The following STRN variants were observed in gnomAD, a reference collection of about 807,000 sequenced individuals.
The protein encoded by STRN is protein phosphatase 2 regulatory subunit B'''alpha.
STRN carries 53 observed loss-of-function variants against 96.3 expected under a neutral mutation model. That is an observed-to-expected ratio of 0.55 (90% CI 0.44 to 0.69). STRN has a LOEUF of 0.69. Ranked by LOEUF, STRN falls within the 30% of genes least tolerant of loss-of-function variation. The pLI, the probability that STRN is intolerant of heterozygous loss-of-function variation, is 0.00. For synonymous variants in STRN, 428 were observed against 355.9 expected (o/e 1.20, Z -2.28); for missense variants, 987 against 963.9 (o/e 1.02, Z -0.32).
chr2:36,966,430 T>C lies in STRN; in HGVS notation c.34A>G (p.Ser12Gly). The change falls in exon 1 of 18, where the codon AGC becomes GGC. Residue 12 changes from serine (S) to glycine (G), a missense_variant. Coordinates refer to ENST00000263918, the MANE Select transcript of STRN (RefSeq NM_003162.4). The stretch of plus-strand genomic sequence containing the variant: ...CCGCCGGCGCCCGGGTGGTTGTTGC[T>C]GAAGAAGACGCCGGGACCCGCCTGC... ...DEQAGPGVFF[S>G]NNHPGAGGAK... 6.8e-7 allele frequency: 1 copy of C among 1,466,478 alleles called. No homozygotes were observed. Among genetic ancestry groups the C allele is most frequent in the Non-Finnish European group, 9.0e-7 (1 of 1,110,584 alleles). The allele number at this position is 1,466,478 out of a possible 1,614,324, so 90.8% of individuals were successfully genotyped here. A position where few individuals can be genotyped will look rare whatever the true frequency, so the allele number is the denominator to read the frequency against.
chr2:36,903,715 A>G (rs1329958509), intron 4 of STRN, among the ~76,000 whole-genome samples: 2 of 152,246 alleles, frequency 1.3e-5, no homozygotes, highest in South Asian at 2.1e-4. Flanking sequence ...TCTCAGAAAT[A>G]TATGTGATCA....
intron 1 of STRN, among the ~76,000 whole-genome samples, chr2:36,956,464 T>G (rs529004020): frequency 3.9e-4 from 60 of 152,288 alleles, no homozygotes; most frequent in African/African-American, 1.0e-3. Context: ...TTTGTCAGAT[T>G]GGCCACCGAG....
At chr2:36,950,211 TTG>T (rs1664719262) in intron 1 of STRN, among the ~76,000 whole-genome samples, 1 of 135,168 alleles carries the variant, frequency 7.4e-6, no homozygotes. Context: ...TGGTTTGGTT[TTG>T]TTTTTTTTTT....
chr2:36,911,370 T>C (rs1669962154), intron 3 of STRN, among the ~76,000 whole-genome samples: 1 of 152,194 alleles, frequency 6.6e-6, no homozygotes, highest in Non-Finnish European at 1.5e-5. Context: ...TTTCTTTCTT[T>C]TTTCCCTAAA....
intron 15 of STRN, among the ~76,000 whole-genome samples, chr2:36,853,192 C>T (rs1201013258): frequency 6.6e-6 from 1 of 152,028 alleles, no homozygotes; most frequent in African/African-American, 2.4e-5. Flanking sequence ...ACTCACTTGA[C>T]CATGTGGAGT....
At chr2:36,908,305 CA>C (rs1380236959) in intron 3 of STRN, among the ~76,000 whole-genome samples, 1 of 152,122 alleles carries the variant, frequency 6.6e-6, no homozygotes. Flanking sequence ...CAGCCAGTGA[CA>C]TTACAAAAAA....
chr2:36,960,674 G>A (rs551956719), intron 1 of STRN, among the ~76,000 whole-genome samples: 3 of 152,212 alleles, frequency 2.0e-5, no homozygotes, highest in African/African-American at 7.2e-5. Context: ...CGGCAAATAT[G>A]TATTTTAGGC....
At chr2:36,965,288 G>C (rs957083675) in intron 1 of STRN, among the ~76,000 whole-genome samples, 7 of 152,158 alleles carry the variant, frequency 4.6e-5, no homozygotes, top group African/African-American at 1.7e-4. Context: ...TTTTGAAATT[G>C]GTGTGTATGC....
intron 1 of STRN, among the ~76,000 whole-genome samples, chr2:36,943,032 T>C (rs1670885057): frequency 6.6e-6 from 1 of 152,146 alleles, no homozygotes; most frequent in Non-Finnish European, 1.5e-5. Flanking sequence ...TATATTGCTT[T>C]AATGTATGCT....
At chr2:36,896,251 A>C (rs1669537788) in intron 6 of STRN, among the ~76,000 whole-genome samples, 1 of 152,212 alleles carries the variant, frequency 6.6e-6, no homozygotes, top group Non-Finnish European at 1.5e-5. Flanking sequence ...TGGGGGGAAA[A>C]ACTTGTTTCT....
Position 36,949,655 on chromosome 2 carries a change from G to C in STRN, c.234+16575C>G, listed in dbSNP as rs537017416. On this transcript the variant is annotated intron_variant, in intron 1 of 17. Coordinates refer to ENST00000263918, the MANE Select transcript of STRN (RefSeq NM_003162.4). Reference sequence around the variant, plus strand: ...TGGCTAGAAGAGTGACTATAAGAAAGTGAAAGGTTGAGTGAAAGCTGAGGC... The same window carrying C: ...TGGCTAGAAGAGTGACTATAAGAAACTGAAAGGTTGAGTGAAAGCTGAGGC... Among the ~76,000 whole-genome samples the C allele has an allele frequency of 1.1e-4, 17 of 152,330 alleles. No individual in the cohort carries two copies. In the South Asian group the frequency reaches 3.5e-3, roughly 32 times the overall value.
rs1410140543 is a variant in STRN, at chr2:36,844,106, C to G, written c.*5350G>C. 6.6e-6 allele frequency: 1 copy of G among 152,018 alleles called. No homozygotes were observed. Among genetic ancestry groups the G allele is most frequent in the Admixed American group, 6.6e-5 (1 of 15,230 alleles). The allele number at this position is 152,018 out of a possible 1,614,324, so 9.4% of individuals were successfully genotyped here. ...TGAACTTGAGAAAACATAAAGTAAC[C>G]AGCAGATTTCAATATTAAAAAGAAG... On this transcript the variant is annotated 3_prime_UTR_variant, in exon 18 of 18. Transcript: ENST00000263918.
At chr2:36,938,760 G>A (rs1277520235) in intron 1 of STRN, among the ~76,000 whole-genome samples, 1 of 152,036 alleles carries the variant, frequency 6.6e-6, no homozygotes, top group African/African-American at 2.4e-5. Context: ...ACAATTTTGT[G>A]ATTTTTCATG....
intron 1 of STRN, among the ~76,000 whole-genome samples, chr2:36,963,975 C>T (rs931848405): frequency 1.3e-5 from 2 of 151,040 alleles, no homozygotes; most frequent in South Asian, 2.1e-4. Flanking sequence ...GGCAACAGAG[C>T]GAGACCCTCT....
intron 2 of STRN, among the ~76,000 whole-genome samples, chr2:36,917,988 T>C (rs559002860): frequency 7.6e-4 from 116 of 152,314 alleles, no homozygotes; most frequent in Non-Finnish European, 9.0e-4. Flanking sequence ...ATACGTAAGA[T>C]ATCAGTTGAT....
chr2:36,962,587 C>A (rs555473946), intron 1 of STRN, among the ~76,000 whole-genome samples: 1 of 151,664 alleles, frequency 6.6e-6, no homozygotes, highest in East Asian at 1.9e-4. Context: ...AGTGCAGTGG[C>A]ACGATCTCAG....
At chr2:36,892,311 AG>A (rs1052939191) in intron 7 of STRN, among the ~76,000 whole-genome samples, 29 of 152,346 alleles carry the variant, frequency 1.9e-4, no homozygotes, top group African/African-American at 6.7e-4. Context: ...CTGATACGTA[AG>A]GGTACTATGC....
chr2:36,888,427 C>A (rs952106067), intron 7 of STRN, among the ~76,000 whole-genome samples: 1 of 152,136 alleles, frequency 6.6e-6, no homozygotes, highest in Admixed American at 6.6e-5. Context: ...TACATTCTCC[C>A]TAGAATCACT....
At chr2:36,855,889 A>G (rs1668332207) in intron 14 of STRN, among the ~76,000 whole-genome samples, 1 of 152,228 alleles carries the variant, frequency 6.6e-6, no homozygotes, top group Non-Finnish European at 1.5e-5. Context: ...ACCATCTAGA[A>G]TACATGAAAA....
Sources: allele counts gnomAD v4.1 joint callset (sites outside exome capture counted in the v4.1 genomes callset), GRCh38; gene constraint gnomAD v4.1.1; transcripts MANE v1.5; gene names NCBI Gene and HGNC (gene_info 2026-07-23, HGNC 2026-07-21).